The following VPS8 variants were observed in gnomAD, a reference collection of about 807,000 sequenced individuals.
VPS8 encodes vacuolar protein sorting-associated protein 8 homolog.
VPS8 carries 129 observed loss-of-function variants against 216.4 expected under a neutral mutation model. The ratio of observed to expected loss-of-function variants is 0.60; its 90% confidence interval spans 0.52 to 0.69. The LOEUF (loss-of-function observed/expected upper bound fraction) is 0.69. VPS8 is among the 30% of genes least tolerant of loss of function. VPS8 has a pLI of 0.00. For synonymous variants in VPS8, 571 were observed against 565.4 expected (o/e 1.01, Z -0.14); for missense variants, 1,531 against 1,683.5 (o/e 0.91, Z 1.59).
chr3:184,952,426 G>A (rs949389751), intron 36 of VPS8, among the ~76,000 whole-genome samples: 2 of 152,160 alleles, frequency 1.3e-5, no homozygotes, highest in Non-Finnish European at 2.9e-5. Flanking sequence ...GAATCACAAG[G>A]TTCATAAATT....
intron 29 of VPS8, among the ~76,000 whole-genome samples, chr3:184,923,584 C>T (rs189126692): frequency 2.7e-3 from 410 of 152,208 alleles, no homozygotes; most frequent in Non-Finnish European, 4.2e-3. Flanking sequence ...TGATGAACTC[C>T]GCTGGTGGAA....
intron 11 of VPS8, among the ~76,000 whole-genome samples, chr3:184,853,582 A>G (rs1279772662): frequency 6.6e-6 from 1 of 152,192 alleles, no homozygotes; most frequent in Admixed American, 6.5e-5. Flanking sequence ...ATGGGAGAGG[A>G]GTGAAGGGAG....
At chr3:184,895,813 T>C (rs1436447972) in intron 23 of VPS8, among the ~76,000 whole-genome samples, 3 of 150,026 alleles carry the variant, frequency 2.0e-5, no homozygotes, top group African/African-American at 7.4e-5. Context: ...TTTGTATTTT[T>C]AGTAGAGACG....
intron 8 of VPS8, among the ~76,000 whole-genome samples, chr3:184,843,711 C>T (rs1722599188): frequency 6.6e-6 from 1 of 152,124 alleles, no homozygotes. Context: ...ATTATGAACA[C>T]CTTATTTTGT....
rs973654837 is a variant in VPS8, at chr3:184,899,513, C to T, written c.2094+859C>T. Reference sequence around the variant, plus strand: ...AGTTTTGGTTGCACCTCTCTTCTTTCGGTTAGTTTCTAAAGTTAGTCCCCC... The same window carrying T: ...AGTTTTGGTTGCACCTCTCTTCTTTTGGTTAGTTTCTAAAGTTAGTCCCCC... On this transcript the variant is annotated intron_variant, in intron 24 of 47. Transcript: ENST00000625842. 4.6e-5 allele frequency among the ~76,000 whole-genome samples: 7 copies of T among 152,286 alleles called. 1 individual carries two copies. The highest frequency in any genetic ancestry group is 4.1e-4 in the South Asian group (2 of 4,822).
At chr3:184,977,463 G>C (rs1455625690) in intron 40 of VPS8, among the ~76,000 whole-genome samples, 1 of 151,984 alleles carries the variant, frequency 6.6e-6, no homozygotes, top group South Asian at 2.1e-4. Context: ...AGTTTAATTA[G>C]GTCTCATTTT....
rs1249540299 is a variant in VPS8, at chr3:185,042,648, C to T, written c.4057-5831C>T. ...TTAATGTTTGGGAATTTGAGCTTCCCCTGCCTGTGAAGTAGATACACTGAG... is the reference window on the plus strand; with the variant it reads ...TTAATGTTTGGGAATTTGAGCTTCCTCTGCCTGTGAAGTAGATACACTGAG... On this transcript the variant is annotated intron_variant, in intron 46 of 47. Coordinates refer to ENST00000625842, the MANE Select transcript of VPS8 (RefSeq NM_001009921.3). Among the ~76,000 whole-genome samples, 6 of 152,120 alleles carry T rather than the reference C, an allele frequency of 3.9e-5. 1 individual carries two copies. The South Asian group carries it at 1.0e-3, about 26-fold the overall frequency.
At chr3:185,014,008 T>A (rs998437348) in intron 45 of VPS8, among the ~76,000 whole-genome samples, 1 of 152,228 alleles carries the variant, frequency 6.6e-6, no homozygotes, top group African/African-American at 2.4e-5. Context: ...TATCTCTCAC[T>A]TATAGGAATA....
chr3:185,033,692 G>C (rs1326952865), intron 46 of VPS8, among the ~76,000 whole-genome samples: 1 of 152,154 alleles, frequency 6.6e-6, no homozygotes, highest in Non-Finnish European at 1.5e-5. Flanking sequence ...TTTTTAAATT[G>C]CCAAACTATC....
At chr3:184,878,506 T>C (rs1729682993) in intron 21 of VPS8, among the ~76,000 whole-genome samples, 1 of 152,220 alleles carries the variant, frequency 6.6e-6, no homozygotes, top group African/African-American at 2.4e-5. Flanking sequence ...AAGGCTATTT[T>C]TGTAGCAGCT....
intron 34 of VPS8, among the ~76,000 whole-genome samples, 190 bp downstream of exon 34, chr3:184,930,758 A>G (rs1334306376): frequency 6.6e-6 from 1 of 152,196 alleles, no homozygotes; most frequent in African/African-American, 2.4e-5. Context: ...CTATTACATC[A>G]TGACTTCTGA....
chr3:184,940,180 A>G lies in VPS8; in HGVS notation c.2989-17A>G, dbSNP rs201888048. The stretch of plus-strand genomic sequence containing the variant: ...GTTTTAATATTTAATTGTAATTTTT[A>G]TTGTTTTTCTGTTCAGAACCAGGTT... On this transcript the variant is annotated splice_polypyrimidine_tract_variant and intron_variant, in intron 35 of 47. Coordinates refer to ENST00000625842, the MANE Select transcript of VPS8 (RefSeq NM_001009921.3). 1.8e-3 allele frequency: 2,639 copies of G among 1,455,082 alleles called. 1 individual carries two copies. The highest frequency in any genetic ancestry group is 2.2e-3 in the Non-Finnish European group (2,416 of 1,085,562). 90.1% of individuals were successfully genotyped at this position (1,455,082 alleles called of 1,614,324 possible).
chr3:185,019,456 C>G (rs977866793), intron 45 of VPS8, among the ~76,000 whole-genome samples: 1 of 152,176 alleles, frequency 6.6e-6, no homozygotes, highest in Non-Finnish European at 1.5e-5. Context: ...TATTTATTGA[C>G]AGCAAGCCAG....
intron 21 of VPS8, 22 bp from the exon 22 acceptor site, chr3:184,886,087 CT>C: frequency 5.6e-6 from 9 of 1,603,348 alleles, no homozygotes; most frequent in Non-Finnish European, 7.7e-6. Context: ...GGGGCTGATG[CT>C]TTCTTTATGG....
chr3:185,004,817 G>A (rs1398312204), intron 45 of VPS8, among the ~76,000 whole-genome samples: 1 of 151,966 alleles, frequency 6.6e-6, no homozygotes, highest in East Asian at 1.9e-4. Flanking sequence ...TGGGCTGTCT[G>A]TTTACTCTGC....
At chr3:185,023,811 A>G (rs913807255) in intron 45 of VPS8, among the ~76,000 whole-genome samples, 1 of 152,112 alleles carries the variant, frequency 6.6e-6, no homozygotes, top group Non-Finnish European at 1.5e-5. Flanking sequence ...CTAATCTAAA[A>G]TCTCTGTATT....
chr3:184,813,147 T>C (rs936139393), intron 1 of VPS8, among the ~76,000 whole-genome samples: 1 of 152,078 alleles, frequency 6.6e-6, no homozygotes, highest in Admixed American at 6.6e-5. Context: ...AGAGGTTCCA[T>C]GGCCGTGGGT....
intron 46 of VPS8, among the ~76,000 whole-genome samples, chr3:185,027,384 A>C (rs1360090871): frequency 6.6e-6 from 1 of 151,792 alleles, no homozygotes; most frequent in East Asian, 1.9e-4. Context: ...CTGGGACTAC[A>C]GGTGCCCGCC....
In VPS8 at chr3:184,926,583, T is replaced by G. The variant is rs1309862991; in HGVS notation, c.2575-11T>G. 6.3e-7 allele frequency: 1 copy of G among 1,585,416 alleles called. No individual in the cohort carries two copies. Among genetic ancestry groups the G allele is most frequent in the Non-Finnish European group, 8.6e-7 (1 of 1,165,358 alleles). On this transcript the variant is annotated splice_polypyrimidine_tract_variant and intron_variant, in intron 30 of 47. Coordinates refer to ENST00000625842, the MANE Select transcript of VPS8 (RefSeq NM_001009921.3). ...CTGATATCAAATAAAAAATACTTTT[T>G]CTTCGGCCAGGTCCTTGAATTCCTT... is the stretch of plus-strand genomic sequence containing the variant.
Sources: gnomAD v4.1 joint callset for allele counts (sites outside exome capture counted in the v4.1 genomes callset) on GRCh38, gnomAD v4.1.1 for gene constraint, MANE v1.5 for transcripts, NCBI Gene and HGNC (gene_info 2026-07-23, HGNC 2026-07-21) for gene names.